The following NBN variants were observed in gnomAD, a reference collection of about 807,000 sequenced individuals.
NBN encodes the protein Nijmegen breakage syndrome 1 (nibrin).
Under a neutral mutation model 90.8 loss-of-function variants are expected in NBN, and 88 were observed. That is an observed-to-expected ratio of 0.97 (90% CI 0.82 to 1.16). NBN has a LOEUF of 1.16. NBN is among the 50% of genes most tolerant of loss of function. NBN has a pLI of 0.00. For missense variants in NBN, 894 were observed against 869.6 expected, an observed-to-expected ratio of 1.03 and a Z score of -0.35; for synonymous variants, 328 against 295.1, an observed-to-expected ratio of 1.11 and a Z score of -1.14.
chr8:89,947,459 G>A (rs535924965), intron 12 of NBN, among the ~76,000 whole-genome samples: 5 of 151,948 alleles, frequency 3.3e-5, no homozygotes, highest in African/African-American at 4.8e-5. Flanking sequence ...GAGAAACCCC[G>A]TCTCTATTAA....
At chr8:89,945,893 G>A (rs1044027690) in intron 13 of NBN, among the ~76,000 whole-genome samples, 5 of 152,108 alleles carry the variant, frequency 3.3e-5, no homozygotes, top group African/African-American at 1.2e-4. Flanking sequence ...TCCTGCTTAA[G>A]GTAGAGAAAA....
chr8:89,984,587 C>T lies in NBN; in HGVS notation c.-26G>A, dbSNP rs201392451. 8.5e-5 allele frequency: 137 copies of T among 1,612,106 alleles called. No individual in the cohort carries two copies. In the Admixed American group the frequency reaches 1.7e-3, roughly 20 times the overall value. On this transcript the variant is annotated 5_prime_UTR_variant, in exon 1 of 16. Transcript: ENST00000265433. ...CGGTCCGGCTCCTCAGGGCTGGGGC[C>T]GACGTGCAACCGCGTAACCGGGGCT...
chr8:89,954,303 A>G (rs1810595261), intron 10 of NBN, among the ~76,000 whole-genome samples: 2 of 152,176 alleles, frequency 1.3e-5, no homozygotes, highest in African/African-American at 4.8e-5. Flanking sequence ...TATTGGATTC[A>G]TGTTGAACAA....
Position 89,943,340 on chromosome 8 carries a change from A to T in NBN, c.2097T>A (p.Leu699=). ...GATCTGATCCTCCAATGATGTGTGGAAGTTTTCCTGCTCCAGGATATGTGA... is the reference window on the plus strand; with the variant it reads ...GATCTGATCCTCCAATGATGTGTGGTAGTTTTCCTGCTCCAGGATATGTGA... The part of the protein sequence containing the change: ...KKVTYPGAGK[L]PHIIGGSDLI... Residue 699 remains leucine (L), a synonymous_variant, in exon 14 of 16, where the codon CTT becomes CTA. Transcript: ENST00000265433. 1 of 1,608,442 alleles carries T rather than the reference A, an allele frequency of 6.2e-7. No homozygotes were observed. Among genetic ancestry groups the T allele is most frequent in the Non-Finnish European group, 8.5e-7 (1 of 1,174,896 alleles).
chr8:89,952,556 G>A (rs779246337), intron 11 of NBN, among the ~76,000 whole-genome samples: 4 of 152,106 alleles, frequency 2.6e-5, no homozygotes, highest in African/African-American at 4.8e-5. Context: ...TATAACTTCC[G>A]TTCACTTAAT....
At chr8:89,955,593 G>C (rs1401383105) in intron 9 of NBN, 38 bp from the exon 10 acceptor site, 2 of 1,595,942 alleles carry the variant, frequency 1.3e-6, no homozygotes, top group South Asian at 1.1e-5. Flanking sequence ...AAATAATCAA[G>C]TTTACAGCAA....
chr8:89,939,069 T>A (rs2735388), intron 14 of NBN, among the ~76,000 whole-genome samples: 60,334 of 152,004 alleles, frequency 0.4, 13,161 homozygotes, highest in African/African-American at 0.6. Flanking sequence ...TCAAATCAGG[T>A]TGGATACAGT....
rs368497122 is a variant in NBN, at chr8:89,970,249, C to CAA, written c.896+113_896+114dup. ...GGGCAACAAGAGCAAGACTCCGTCT[C>CAA]AAAAAAAAAAAATTCTTGTATCTAC... On this transcript the variant is annotated intron_variant, in intron 7 of 15. Coordinates refer to ENST00000265433, the MANE Select transcript of NBN (RefSeq NM_002485.5). 9.8e-4 allele frequency: 698 copies of CAA among 708,706 alleles called. 1 individual carries two copies. The highest frequency in any genetic ancestry group is 7.5e-3 in the African/African-American group (392 of 52,220). 43.9% of individuals were successfully genotyped at this position (708,706 alleles called of 1,614,324 possible). A position where few individuals can be genotyped will look rare whatever the true frequency, so the allele number is the denominator to read the frequency against.
intron 8 of NBN, among the ~76,000 whole-genome samples, chr8:89,963,499 T>C (rs1301624692): frequency 6.6e-6 from 1 of 152,116 alleles, no homozygotes; most frequent in Non-Finnish European, 1.5e-5. Context: ...AGAATAAATG[T>C]AAAAATCTCC....
chr8:89,939,081 C>A (rs1228326141), intron 14 of NBN, among the ~76,000 whole-genome samples: 1 of 152,024 alleles, frequency 6.6e-6, no homozygotes, highest in Non-Finnish European at 1.5e-5. Context: ...GGATACAGTT[C>A]AAATAATTTT....
At chr8:89,950,656 TG>T (rs1287804270) in intron 11 of NBN, among the ~76,000 whole-genome samples, 1 of 152,166 alleles carries the variant, frequency 6.6e-6, no homozygotes, top group Non-Finnish European at 1.5e-5. Flanking sequence ...AAAGGAAAAA[TG>T]GAATTATGCT....
intron 7 of NBN, among the ~76,000 whole-genome samples, chr8:89,965,266 T>C (rs1231052838): frequency 6.6e-6 from 1 of 152,178 alleles, no homozygotes; most frequent in Non-Finnish European, 1.5e-5. Context: ...GGTATATCTA[T>C]ACATGTGTTA....
intron 5 of NBN, among the ~76,000 whole-genome samples, chr8:89,974,251 CT>C (rs905605538): frequency 2.0e-3 from 211 of 106,502 alleles, no homozygotes; most frequent in South Asian, 0.015. Flanking sequence ...TACTATATGG[CT>C]TTTTTTTTTT....
chr8:89,938,046 C>T (rs1809772685), intron 14 of NBN, among the ~76,000 whole-genome samples: 1 of 152,160 alleles, frequency 6.6e-6, no homozygotes, highest in Non-Finnish European at 1.5e-5. Flanking sequence ...TTAGCAAAGG[C>T]TTCCTGATCC....
At chr8:89,957,110 A>T (rs1044150180) in intron 9 of NBN, among the ~76,000 whole-genome samples, 2 of 152,262 alleles carry the variant, frequency 1.3e-5, no homozygotes, top group African/African-American at 4.8e-5. Flanking sequence ...TTATAAAAAA[A>T]ATAACTTTAA....
chr8:89,951,818 T>C (rs1563522665), intron 11 of NBN, among the ~76,000 whole-genome samples: 1 of 152,182 alleles, frequency 6.6e-6, no homozygotes, highest in East Asian at 1.9e-4. Flanking sequence ...ATCCGATAAT[T>C]CAACATTCAT....
At chr8:89,976,336 T>C (rs1036886852) in intron 5 of NBN, among the ~76,000 whole-genome samples, 1 of 152,176 alleles carries the variant, frequency 6.6e-6, no homozygotes, top group Non-Finnish European at 1.5e-5. Context: ...GATGCAAACC[T>C]TGGAAGGCCA....
At chr8:89,968,220 T>C (rs999453440) in intron 7 of NBN, among the ~76,000 whole-genome samples, 1 of 151,890 alleles carries the variant, frequency 6.6e-6, no homozygotes, top group African/African-American at 2.4e-5. Flanking sequence ...GATCACACCA[T>C]TGCACTCCAG....
rs1224775392 is a variant in NBN, at chr8:89,984,660, A to T, written c.-99T>A. 13 of 1,548,734 alleles carry T rather than the reference A, an allele frequency of 8.4e-6. No individual in the cohort carries two copies. The highest frequency in any genetic ancestry group is 1.1e-5 in the Non-Finnish European group (13 of 1,141,738). ...GCCTGCGGTCGGCATGGGCTCCGGG[A>T]CGTGCGCGCTCCCGGGAGCCACGCA... is the stretch of plus-strand genomic sequence containing the variant. On this transcript the variant is annotated 5_prime_UTR_variant, in exon 1 of 16. Coordinates refer to ENST00000265433, the MANE Select transcript of NBN (RefSeq NM_002485.5).
Sources: allele counts gnomAD v4.1 joint callset (sites outside exome capture counted in the v4.1 genomes callset), GRCh38; gene constraint gnomAD v4.1.1; transcripts MANE v1.5; gene names NCBI Gene and HGNC (gene_info 2026-07-23, HGNC 2026-07-21).